The following HOXC5 variants were observed in gnomAD, a reference collection of about 807,000 sequenced individuals.
HOXC5 encodes the protein homeobox C5.
HOXC5 carries 19 observed loss-of-function variants against 20.1 expected under a neutral mutation model. The observed-to-expected ratio is 0.94, with a 90% CI of 0.66 to 1.38. The LOEUF (loss-of-function observed/expected upper bound fraction) is 1.38. HOXC5 is among the 40% of genes most tolerant of loss of function. The pLI is 0.00. For missense variants in HOXC5, 330 were observed against 300.1 expected (o/e 1.10, Z -0.74); for synonymous variants, 124 against 117.0 (o/e 1.06, Z -0.39).
the HOXC5 span, among the ~76,000 whole-genome samples, chr12:54,026,126 G>C: frequency 1.2e-4 from 19 of 152,082 alleles, no homozygotes; most frequent in Admixed American, 1.0e-3. Context: ...GAAATTGGAG[G>C]GGGGGACAGA....
chr12:54,022,374 A>G, the HOXC5 span: 5 of 152,310 alleles, frequency 3.3e-5, no homozygotes, highest in East Asian at 9.6e-4. Flanking sequence ...TAAAGATCCT[A>G]TATGTCTCCA....
rs777472361 is a variant in HOXC5 at position 54,034,530 on chromosome 12, G to T, written c.*38G>T. On this transcript the variant is annotated 3_prime_UTR_variant, in exon 2 of 2. Transcript: ENST00000312492. ...AGGCCCGCAGAGCGCGCCCCTAGCCGGTTCCTGTCCCTGCGCCTTTCCTTT... is the reference window on the plus strand; with the variant it reads ...AGGCCCGCAGAGCGCGCCCCTAGCCTGTTCCTGTCCCTGCGCCTTTCCTTT... 1.3e-6 allele frequency: 2 copies of T among 1,542,972 alleles called. No individual in the cohort carries two copies. The highest frequency in any genetic ancestry group is 2.2e-5 in the East Asian group (1 of 44,542).
At chr12:54,034,099 G>A in intron 1 of HOXC5, 179 bp from the exon 2 acceptor site, 1 of 724,070 alleles carries the variant, frequency 1.4e-6, no homozygotes. Flanking sequence ...TCCTGCCTGG[G>A]CGGAGGCGCC....
At chr12:54,034,252 G>A (rs775110904) in intron 1 of HOXC5, 26 bp from the exon 2 acceptor site, 2 of 1,593,936 alleles carry the variant, frequency 1.3e-6, no homozygotes, top group African/African-American at 1.3e-5. Context: ...ACCCCTTCCT[G>A]GCTTGGGGTG....
chr12:54,028,377 G>A (rs963810184), upstream of HOXC5: 7 of 825,828 alleles, frequency 8.5e-6, no homozygotes, highest in African/African-American at 1.2e-4. Context: ...TCTGGCTTGC[G>A]ATTGGCTGGG....
intron 1 of HOXC5, chr12:54,033,817 A>T (rs1415760737): frequency 1.8e-6 from 1 of 563,732 alleles, no homozygotes; most frequent in Non-Finnish European, 3.2e-6. Context: ...AGAGGGAGGG[A>T]GTTAAAAAAA....
the HOXC5 span, among the ~76,000 whole-genome samples, chr12:54,026,953 C>A: frequency 9.3e-6 from 1 of 107,432 alleles, no homozygotes; most frequent in Admixed American, 9.1e-5. Context: ...CCCCAACCCA[C>A]CCAAAAATGG....
chr12:54,033,880 G>A, intron 1 of HOXC5: 1 of 487,810 alleles, frequency 2.0e-6, no homozygotes. Context: ...GGATCCCCCC[G>A]CGGCTCCCTC....
chr12:54,034,551 C>T lies in HOXC5; in HGVS notation c.*59C>T, dbSNP rs1941129858. ...AGCCGGTTCCTGTCCCTGCGCCTTT[C>T]CTTTTCGCCTTTCCTCTCTATATTT... On this transcript the variant is annotated 3_prime_UTR_variant, in exon 2 of 2. Transcript: ENST00000312492. The T allele has an allele frequency of 1.4e-6, 2 of 1,388,444 alleles. No homozygotes were observed. The highest frequency in any genetic ancestry group is 3.6e-5 in the Admixed American group (2 of 55,378). The allele number at this position is 1,388,444 out of a possible 1,614,324, so 86.0% of individuals were successfully genotyped here. A position where few individuals can be genotyped will look rare whatever the true frequency, so the allele number is the denominator to read the frequency against.
At chr12:54,032,949 T>C, upstream of HOXC5, 1 of 587,148 alleles carries the variant, frequency 1.7e-6, no homozygotes, top group Non-Finnish European at 2.9e-6. Flanking sequence ...GCCGCTCGAG[T>C]CACGTGACTC....
At chr12:54,017,824 G>A in the HOXC5 span, among the ~76,000 whole-genome samples, 1 of 152,332 alleles carries the variant, frequency 6.6e-6, no homozygotes, top group African/African-American at 2.4e-5. Flanking sequence ...AGAGAACTTA[G>A]AGGCTGTGCC....
upstream of HOXC5, chr12:54,029,943 A>C: frequency 1.9e-6 from 3 of 1,587,282 alleles, no homozygotes; most frequent in Non-Finnish European, 2.6e-6. Flanking sequence ...GAGACAGAAG[A>C]GGAGAAGCAG....
chr12:54,028,695 G>A (rs145731630), upstream of HOXC5: 7,537 of 1,614,070 alleles, frequency 4.7e-3, 21 homozygotes, highest in Non-Finnish European at 5.4e-3. Context: ...ATTCGCCACA[G>A]GAGAATGTCG....
the HOXC5 span, among the ~76,000 whole-genome samples, chr12:54,026,463 A>T: frequency 6.6e-6 from 1 of 152,034 alleles, no homozygotes; most frequent in Non-Finnish European, 1.5e-5. Context: ...CTCATCTAAA[A>T]TTTTTTTTCT....
At chr12:54,028,822 G>A (rs1378365391), upstream of HOXC5, 6 of 1,614,056 alleles carry the variant, frequency 3.7e-6, no homozygotes, top group South Asian at 6.6e-5. Flanking sequence ...GACCTCAATC[G>A]CTCAGGATTT....
the HOXC5 span, chr12:54,021,185 CT>C: frequency 6.6e-6 from 1 of 152,424 alleles, no homozygotes; most frequent in Admixed American, 6.5e-5. Context: ...GTTTCTCCCC[CT>C]GCTTGCCCCA....
At chr12:54,018,860 G>C in the HOXC5 span, among the ~76,000 whole-genome samples, 1 of 152,092 alleles carries the variant, frequency 6.6e-6, no homozygotes, top group Non-Finnish European at 1.5e-5. Context: ...CTCTCCCAGA[G>C]GCGCGACTGG....
Position 54,034,638 on chromosome 12 carries a change from C to T in HOXC5, c.*146C>T. On this transcript the variant is annotated 3_prime_UTR_variant, in exon 2 of 2. Coordinates refer to ENST00000312492, the MANE Select transcript of HOXC5 (RefSeq NM_018953.4). ...GGCCCCACAGACAAAAGCGCTTTTC[C>T]TTGGCATTCCGCATCCCTACCGACC... 2 of 661,696 alleles carry T rather than the reference C, an allele frequency of 3.0e-6. No homozygotes were observed. Among genetic ancestry groups the T allele is most frequent in the East Asian group, 2.7e-5 (1 of 36,616 alleles). The allele number at this position is 661,696 out of a possible 1,614,324, so 41.0% of individuals were successfully genotyped here. A position where few individuals can be genotyped will look rare whatever the true frequency, so the allele number is the denominator to read the frequency against.
upstream of HOXC5, chr12:54,028,326 A>G: frequency 1.8e-6 from 1 of 549,172 alleles, no homozygotes; most frequent in East Asian, 2.9e-5. Flanking sequence ...CAACTAGGGA[A>G]TCAACAGAAG....
Sources: gnomAD v4.1 joint callset for allele counts (sites outside exome capture counted in the v4.1 genomes callset) on GRCh38, gnomAD v4.1.1 for gene constraint, MANE v1.5 for transcripts, NCBI Gene and HGNC (gene_info 2026-07-23, HGNC 2026-07-21) for gene names.